The following IGSF22 variants were observed in gnomAD, a reference collection of about 807,000 sequenced individuals.
The protein encoded by IGSF22 is immunoglobulin superfamily member 22, also known as immunoglobulin superfamily, member 22.
A neutral mutation model predicts 127.0 loss-of-function variants in IGSF22; 119 were observed. That is an observed-to-expected ratio of 0.94 (90% CI 0.81 to 1.09). IGSF22 has a LOEUF of 1.09. IGSF22 is among the 50% of genes least tolerant of loss of function. IGSF22 has a pLI of 0.00. For missense variants in IGSF22, 1,518 were observed against 1,716.6 expected, an observed-to-expected ratio of 0.88 and a Z score of 2.04; for synonymous variants, 568 against 664.7, an observed-to-expected ratio of 0.85 and a Z score of 2.24.
At chr11:18,723,993 T>C in intron 2 of IGSF22, 135 bp downstream of exon 2, 1 of 626,296 alleles carries the variant, frequency 1.6e-6, no homozygotes, top group Non-Finnish European at 2.9e-6. Flanking sequence ...GAAGCACACG[T>C]TGGGTGGGGG....
rs367640432 is a variant in IGSF22 at position 18,714,593 on chromosome 11, G to A, written c.1563C>T (p.Ser521=). Residue 521 remains serine, a synonymous_variant, in exon 12 of 23, where the codon TCC becomes TCT. Coordinates refer to ENST00000513874, the MANE Select transcript of IGSF22 (RefSeq NM_173588.4). ...GGCTCCCAGTGGCCGCGTGCACGTC[G>A]GACATCCCGCTCTTCACTGTGGCCA... ...ERLATVKSGM[S]DVHAATGSPA... is the part of the protein sequence containing the mutation. 28 of 1,614,036 alleles carry A rather than the reference G, an allele frequency of 1.7e-5. No individual in the cohort carries two copies. Among genetic ancestry groups the A allele is most frequent in the East Asian group, 2.2e-5 (1 of 44,894 alleles).
chr11:18,708,127 G>C (rs1199480440), intron 19 of IGSF22, 80 bp downstream of exon 19: 2 of 1,517,402 alleles, frequency 1.3e-6, no homozygotes, highest in East Asian at 4.5e-5. Flanking sequence ...GTCAGAGTCA[G>C]AGTCAGAGAC....
intron 2 of IGSF22, among the ~76,000 whole-genome samples, chr11:18,722,272 C>T (rs1039569126): frequency 1.3e-5 from 2 of 151,528 alleles, no homozygotes; most frequent in African/African-American, 4.9e-5. Flanking sequence ...CTCAGTGGTC[C>T]ATTACCTTTA....
Position 18,713,865 on chromosome 11 carries a change from G to A in IGSF22, c.2082C>T (p.His694=), listed in dbSNP as rs750326864. 5.1e-5 allele frequency: 82 copies of A among 1,613,170 alleles called. 1 individual carries two copies. The Admixed American group carries it at 1.2e-3, about 24-fold the overall frequency. The change falls in exon 14 of 23, where the codon CAC becomes CAT. Residue 694 remains histidine (H), a synonymous_variant. Coordinates refer to ENST00000513874, the MANE Select transcript of IGSF22 (RefSeq NM_173588.4). ...CCCTGCCCTGACCCAGCACACTAAG[G>A]TGCAGAGTGGCCGTGGCTGAGCCGT... is the stretch of plus-strand genomic sequence containing the variant. ...NDHGSATATL[H]LSVLDRPKPP...
chr11:18,710,855 G>A (rs529192128), intron 15 of IGSF22, 27 bp from the exon 16 acceptor site: 1 of 1,589,948 alleles, frequency 6.3e-7, no homozygotes, highest in African/African-American at 1.3e-5. Context: ...GAGTGCAAAG[G>A]TTAGGAGGGG....
At position 18,721,913 on chromosome 11, in the gene IGSF22, C is replaced by A. The variant is rs1179485343; in HGVS notation, c.238G>T (p.Glu80Ter). Residue 80 changes from glutamate (E) to a stop codon, truncating the protein, a stop_gained, in exon 3 of 23, where the codon GAG (glutamate) becomes TAG (stop). Transcript: ENST00000513874. LOFTEE classifies it high-confidence loss of function. ...TGAGCCACAGGCAGCAACACACCCTCGGGCGCGGTGACCGGTTGAGGCTTC... is the reference window on the plus strand; with the variant it reads ...TGAGCCACAGGCAGCAACACACCCTAGGGCGCGGTGACCGGTTGAGGCTTC... Reference protein sequence around the residue: ...VEKPQPVTAPEGDKAVFRARV... With the variant: ...VEKPQPVTAP 1 of 1,612,958 alleles carries A rather than the reference C, an allele frequency of 6.2e-7. No individual in the cohort carries two copies. Among genetic ancestry groups the A allele is most frequent in the Non-Finnish European group, 8.5e-7 (1 of 1,180,046 alleles).
At chr11:18,719,487 C>T (rs943992842) in intron 7 of IGSF22, among the ~76,000 whole-genome samples, 5 of 152,162 alleles carry the variant, frequency 3.3e-5, no homozygotes, top group African/African-American at 4.8e-5. Flanking sequence ...ATTTGAATCT[C>T]GGTCTATCTG....
chr11:18,716,530 T>C lies in IGSF22; in HGVS notation c.1246+198A>G, dbSNP rs1848465881. On this transcript the variant is annotated intron_variant, in intron 10 of 22. Transcript: ENST00000513874. This position sits in a 1 kb window ranked among gnomAD's most constrained non-coding sequence, Gnocchi z 4.5. ...TGACTCGTGGAATAATAACTGCTAT[T>C]CTAATTTCATTTTCATACCTGCCTC... 6.6e-6 allele frequency among the ~76,000 whole-genome samples: 1 copy of C among 152,184 alleles called. No individual in the cohort carries two copies. Among genetic ancestry groups the C allele is most frequent in the Admixed American group, 6.5e-5 (1 of 15,272 alleles).
intron 11 of IGSF22, 83 bp downstream of exon 11, chr11:18,715,349 G>T: frequency 7.1e-7 from 1 of 1,418,340 alleles, no homozygotes; most frequent in Non-Finnish European, 9.7e-7. Context: ...GGAGTTAGTG[G>T]GAGGGGGGCA....
intron 19 of IGSF22, 95 bp from the exon 20 acceptor site, chr11:18,708,091 G>C (rs897550668): frequency 3.9e-6 from 6 of 1,534,864 alleles, no homozygotes; most frequent in Admixed American, 1.7e-5. Flanking sequence ...CCAGGCTGTC[G>C]CACTAGGGGT....
intron 1 of IGSF22, among the ~76,000 whole-genome samples, chr11:18,725,565 C>G (rs768348057): frequency 1.6e-4 from 25 of 152,190 alleles, no homozygotes; most frequent in Non-Finnish European, 2.6e-4. Context: ...CTCAGGCTCC[C>G]GAGTAGCTGG....
rs770003834 is a variant in IGSF22 at position 18,724,269 on chromosome 11, A to T, written c.-33T>A. The T allele has an allele frequency of 1.3e-6, 2 of 1,504,184 alleles. No homozygotes were observed. Among genetic ancestry groups the T allele is most frequent in the Non-Finnish European group, 1.8e-6 (2 of 1,081,274 alleles). The allele number at this position is 1,504,184 out of a possible 1,614,324, so 93.2% of individuals were successfully genotyped here. On this transcript the variant is annotated splice_region_variant and 5_prime_UTR_variant, in exon 2 of 23. Coordinates refer to ENST00000513874, the MANE Select transcript of IGSF22 (RefSeq NM_173588.4). ...GCAGGCGTGGGCACTCACCTGTGAGACTGGGGAAGAGGATGAGGCCATGAA... is the reference window on the plus strand; with the variant it reads ...GCAGGCGTGGGCACTCACCTGTGAGTCTGGGGAAGAGGATGAGGCCATGAA...
In IGSF22 at chr11:18,712,132, C is replaced by A; in HGVS notation, c.2348G>T (p.Gly783Val). 6.4e-7 allele frequency: 1 copy of A among 1,551,720 alleles called. No individual in the cohort carries two copies. The highest frequency in any genetic ancestry group is 8.7e-7 in the Non-Finnish European group (1 of 1,146,998). Residue 783 changes from glycine (G) to valine (V), a missense_variant, in exon 15 of 23, where the codon GGT becomes GTT. Gly to Val is a moderately radical substitution (Grantham distance 109). Transcript: ENST00000513874. ...QFRILAVNSE[G>V]VSDPLETEEV... ...TTCTGTCTCCAGTGGGTCACTCACACCTTCTGAATTGACTGCCAGGATACG... is the reference window on the plus strand; with the variant it reads ...TTCTGTCTCCAGTGGGTCACTCACAACTTCTGAATTGACTGCCAGGATACG...
At chr11:18,720,033 T>A (rs1204885257) in intron 6 of IGSF22, 31 bp downstream of exon 6, 9 of 1,613,360 alleles carry the variant, frequency 5.6e-6, no homozygotes, top group Non-Finnish European at 7.6e-6. Flanking sequence ...GAGGAGACAA[T>A]ATCTTGGGCA....
Position 18,717,918 on chromosome 11 carries a change from C to T in IGSF22, c.973+13G>A, listed in dbSNP as rs775538736. ...CATGTCCTCCTTGTGCCCTTGCATG[C>T]CCCCACTCATACCCAGCACTGTGAG... On this transcript the variant is annotated intron_variant, in intron 9 of 22. Transcript: ENST00000513874. The T allele has an allele frequency of 6.2e-7, 1 of 1,610,650 alleles. No individual in the cohort carries two copies. Among genetic ancestry groups the T allele is most frequent in the Non-Finnish European group, 8.5e-7 (1 of 1,177,566 alleles).
intron 8 of IGSF22, 38 bp from the exon 9 acceptor site, chr11:18,718,131 T>A: frequency 6.3e-7 from 1 of 1,599,182 alleles, no homozygotes. Context: ...GATGAAGGGC[T>A]TTAGGAGGAA....
Position 18,715,734 on chromosome 11 carries a change from C to T in IGSF22, c.1247-18G>A. 6.3e-7 allele frequency: 1 copy of T among 1,594,654 alleles called. No homozygotes were observed. The highest frequency in any genetic ancestry group is 8.5e-7 in the Non-Finnish European group (1 of 1,169,592). The stretch of plus-strand genomic sequence containing the variant: ...GGGGATGCCTGTGGACAGACAGACA[C>T]TTGGGCCTGCTCCCAAACCACGACA... On this transcript the variant is annotated intron_variant, in intron 10 of 22. Coordinates refer to ENST00000513874, the MANE Select transcript of IGSF22 (RefSeq NM_173588.4).
intron 1 of IGSF22, among the ~76,000 whole-genome samples, 176 bp from the exon 2 acceptor site, chr11:18,724,445 C>T (rs1405594858): frequency 1.3e-5 from 2 of 152,186 alleles, no homozygotes; most frequent in East Asian, 1.9e-4. Context: ...AGTTACCAGA[C>T]CCAATAGGCC....
rs148015154 is a variant in IGSF22, at chr11:18,714,787, TA to T, written c.1532-164del. 3.1e-5 allele frequency among the ~76,000 whole-genome samples: 4 copies of T among 131,056 alleles called. No individual in the cohort carries two copies. The East Asian group carries it at 7.5e-4, about 25-fold the overall frequency. The allele number at this position is 131,056 out of a possible 152,430, so 86.0% of individuals were successfully genotyped here. A position where few individuals can be genotyped will look rare whatever the true frequency, so the allele number is the denominator to read the frequency against. On this transcript the variant is annotated intron_variant, in intron 11 of 22. Transcript: ENST00000513874. Reference sequence around the variant, plus strand: ...CTTGCCAATGTGGTCAATAGGTGATTAGGGGGTGGTCAGTGGGGGGAACTGG... The same window carrying T: ...CTTGCCAATGTGGTCAATAGGTGATTGGGGGTGGTCAGTGGGGGGAACTGG...
Sources: allele counts gnomAD v4.1 joint callset (sites outside exome capture counted in the v4.1 genomes callset), GRCh38; gene constraint gnomAD v4.1.1; non-coding constraint Gnocchi (gnomAD v3.1); transcripts MANE v1.5; gene names NCBI Gene and HGNC (gene_info 2026-07-23, HGNC 2026-07-21).